The following MRPS14 variants were observed in gnomAD, a reference collection of about 807,000 sequenced individuals.
The protein encoded by MRPS14 is mitochondrial ribosomal protein S14.
MRPS14 carries 14 observed loss-of-function variants against 16.4 expected under a neutral mutation model. The observed-to-expected ratio is 0.85, with a 90% CI of 0.56 to 1.33. MRPS14 has a LOEUF of 1.33. Among genes scored for constraint, MRPS14 ranks in the 40% most tolerant of loss-of-function variants. The pLI is 0.00. For missense variants in MRPS14, 162 were observed against 176.8 expected, an observed-to-expected ratio of 0.92 and a Z score of 0.48; for synonymous variants, 54 against 61.9, an observed-to-expected ratio of 0.87 and a Z score of 0.60.
At chr1:175,016,934 G>A (rs1672891056) in intron 2 of MRPS14, among the ~76,000 whole-genome samples, 1 of 151,972 alleles carries the variant, frequency 6.6e-6, no homozygotes. Flanking sequence ...CCTTTGACCA[G>A]TATCTCCTGA....
At position 175,014,844 on chromosome 1, in the gene MRPS14, G is replaced by C; in HGVS notation, c.212C>G (p.Ala71Gly). 2 of 1,613,690 alleles carry C rather than the reference G, an allele frequency of 1.2e-6. No homozygotes were observed. The highest frequency in any genetic ancestry group is 2.7e-5 in the African/African-American group (2 of 74,912). The change falls in exon 3 of 3, where the codon GCT (alanine) becomes GGT (glycine). Residue 71 changes from alanine to glycine, a missense_variant. Coordinates refer to ENST00000476371, the MANE Select transcript of MRPS14 (RefSeq NM_022100.3). Reference sequence around the variant, plus strand: ...GGGGAGGGCAGCAATTTCTTCATCAGCCACATCCTAAGGGAAATCACATTA... The same window carrying C: ...GGGGAGGGCAGCAATTTCTTCATCACCCACATCCTAAGGGAAATCACATTA... The part of the protein sequence containing the change: ...TILPKILQDV[A>G]DEEIAALPRD...
chr1:175,017,204 C>T (rs1672896943), intron 2 of MRPS14, among the ~76,000 whole-genome samples: 2 of 152,030 alleles, frequency 1.3e-5, no homozygotes, highest in Admixed American at 6.6e-5. Flanking sequence ...ACAGGGTGTG[C>T]CACTTGCACC....
chr1:175,019,749 A>G (rs1033510727), intron 1 of MRPS14, among the ~76,000 whole-genome samples: 10 of 152,232 alleles, frequency 6.6e-5, no homozygotes, highest in African/African-American at 2.4e-4. Flanking sequence ...TCTGACTGAC[A>G]GGACAGGCAA....
At chr1:175,016,362 C>T (rs1485877231) in intron 2 of MRPS14, among the ~76,000 whole-genome samples, 1 of 152,184 alleles carries the variant, frequency 6.6e-6, no homozygotes, top group African/African-American at 2.4e-5. Context: ...TTGATTGATA[C>T]ATACCCCTTC....
At chr1:175,015,366 C>T (rs1207696428) in intron 2 of MRPS14, among the ~76,000 whole-genome samples, 2 of 152,164 alleles carry the variant, frequency 1.3e-5, no homozygotes, top group Non-Finnish European at 2.9e-5. Context: ...TTGTTTAACT[C>T]ATTTGTAAAG....
chr1:175,014,993 T>C, intron 2 of MRPS14, 142 bp from the exon 3 acceptor site: 1 of 804,620 alleles, frequency 1.2e-6, no homozygotes, highest in South Asian at 1.8e-5. Context: ...CTGTGGGTGT[T>C]AGATTGTGCA....
intron 2 of MRPS14, among the ~76,000 whole-genome samples, 157 bp downstream of exon 2, chr1:175,018,261 T>G (rs983311362): frequency 6.6e-6 from 1 of 152,184 alleles, no homozygotes; most frequent in Non-Finnish European, 1.5e-5. Flanking sequence ...AATTTGAAAC[T>G]CAACAAAATC....
intron 1 of MRPS14, among the ~76,000 whole-genome samples, chr1:175,018,935 A>ACCTCAT (rs1672930980): frequency 1.3e-5 from 2 of 151,888 alleles, no homozygotes; most frequent in Admixed American, 6.6e-5. Context: ...GTCTCCCCCC[A>ACCTCAT]CCTCATTCCT....
In MRPS14 at chr1:175,014,495, C is replaced by A. The variant is rs909747789; in HGVS notation, c.*174G>T. 6 of 562,128 alleles carry A rather than the reference C, an allele frequency of 1.1e-5. No individual in the cohort carries two copies. Among genetic ancestry groups the A allele is most frequent in the Non-Finnish European group, 1.8e-5 (6 of 331,182 alleles). The allele number at this position is 562,128 out of a possible 1,614,324, so 34.8% of individuals were successfully genotyped here. ...TCCAAGAGAAAAGATAATTCACTGACATGAAACACCCAAATGTCTTCATTT... is the reference window on the plus strand; with the variant it reads ...TCCAAGAGAAAAGATAATTCACTGAAATGAAACACCCAAATGTCTTCATTT... On this transcript the variant is annotated 3_prime_UTR_variant, in exon 3 of 3. Transcript: ENST00000476371.
At chr1:175,022,150 A>G (rs1170741492) in intron 1 of MRPS14, among the ~76,000 whole-genome samples, 20 of 152,024 alleles carry the variant, frequency 1.3e-4, no homozygotes, top group Non-Finnish European at 1.5e-5. Context: ...CCAAACTGAG[A>G]TATGCTTTAA....
rs1441081460 is a variant in MRPS14, at chr1:175,014,150, G to A, written c.*519C>T. 1.2e-5 allele frequency: 2 copies of A among 163,010 alleles called. No homozygotes were observed. Among genetic ancestry groups the A allele is most frequent in the Non-Finnish European group, 2.6e-5 (2 of 75,532 alleles). The allele number at this position is 163,010 out of a possible 1,614,324, so 10.1% of individuals were successfully genotyped here. A position where few individuals can be genotyped will look rare whatever the true frequency, so the allele number is the denominator to read the frequency against. ...AAACACTTAGTGGTTCTTTTGTTCA[G>A]CCATCACAAGAAGAAGTGGAGCATT... On this transcript the variant is annotated 3_prime_UTR_variant, in exon 3 of 3. Coordinates refer to ENST00000476371, the MANE Select transcript of MRPS14 (RefSeq NM_022100.3).
chr1:175,014,989 G>A (rs1672855027), intron 2 of MRPS14, 138 bp from the exon 3 acceptor site: 3 of 812,100 alleles, frequency 3.7e-6, no homozygotes, highest in Non-Finnish European at 5.7e-6. Flanking sequence ...CAGGCTGTGG[G>A]TGTTAGATTG....
intron 2 of MRPS14, among the ~76,000 whole-genome samples, chr1:175,016,369 C>A (rs1255695802): frequency 6.6e-6 from 1 of 152,162 alleles, no homozygotes. Flanking sequence ...ATACATACCC[C>A]TTCCTTCTTG....
rs981852978 is a variant in MRPS14 at position 175,014,598 on chromosome 1, T to TA, written c.*70dup. ...CTGTAGAGATTAGGGTTTGGTCTAT[T>TA]AAAAAAAATCTTTGCTTGCTGGAAC... On this transcript the variant is annotated 3_prime_UTR_variant, in exon 3 of 3. Transcript: ENST00000476371. 1.3e-5 allele frequency: 19 copies of TA among 1,506,098 alleles called. No homozygotes were observed. Among genetic ancestry groups the TA allele is most frequent in the Middle Eastern group, 1.9e-4 (1 of 5,144 alleles). 93.3% of individuals were successfully genotyped at this position (1,506,098 alleles called of 1,614,324 possible).
chr1:175,023,242 C>A, intron 1 of MRPS14, 122 bp downstream of exon 1: 1 of 1,551,974 alleles, frequency 6.4e-7, no homozygotes, highest in South Asian at 1.2e-5. Flanking sequence ...CGGAAGAGGG[C>A]GGAAGGAGAA....
rs1312881651 is a variant in MRPS14 at position 175,014,168 on chromosome 1, G to A, written c.*501C>T. On this transcript the variant is annotated 3_prime_UTR_variant, in exon 3 of 3. Coordinates refer to ENST00000476371, the MANE Select transcript of MRPS14 (RefSeq NM_022100.3). Reference sequence around the variant, plus strand: ...TTGTTCAGCCATCACAAGAAGAAGTGGAGCATTAGATAATCCAGAACAGCA... The same window carrying A: ...TTGTTCAGCCATCACAAGAAGAAGTAGAGCATTAGATAATCCAGAACAGCA... The A allele has an allele frequency of 5.9e-6, 1 of 168,748 alleles. No individual in the cohort carries two copies. The highest frequency in any genetic ancestry group is 1.6e-4 in the East Asian group (1 of 6,080). 10.5% of individuals were successfully genotyped at this position (168,748 alleles called of 1,614,324 possible).
intron 2 of MRPS14, among the ~76,000 whole-genome samples, chr1:175,017,854 A>G (rs913379192): frequency 3.9e-5 from 6 of 152,184 alleles, no homozygotes; most frequent in African/African-American, 1.2e-4. Context: ...GGCTGGACAC[A>G]GTGGCTCACA....
Position 175,013,912 on chromosome 1 carries a change from C to G in MRPS14, c.*757G>C. 6.6e-6 allele frequency: 1 copy of G among 152,182 alleles called. No individual in the cohort carries two copies. The highest frequency in any genetic ancestry group is 1.9e-4 in the East Asian group (1 of 5,200). 9.4% of individuals were successfully genotyped at this position (152,182 alleles called of 1,614,324 possible). ...CTGATGTTAAGTAGGTACTTCCATT[C>G]AGTATGTATATTTTTATCACTGGGC... On this transcript the variant is annotated 3_prime_UTR_variant, in exon 3 of 3. Transcript: ENST00000476371.
In MRPS14 at chr1:175,013,398, A is replaced by G. The variant is rs555812615; in HGVS notation, c.*1271T>C. On this transcript the variant is annotated 3_prime_UTR_variant, in exon 3 of 3. Coordinates refer to ENST00000476371, the MANE Select transcript of MRPS14 (RefSeq NM_022100.3). ...CTCTACCATCTATCTAGACACTTTT[A>G]TCAGGAACCCAGAGAACCATCTTTA... 7 of 152,286 alleles carry G rather than the reference A, an allele frequency of 4.6e-5. No individual in the cohort carries two copies. Among genetic ancestry groups the G allele is most frequent in the African/African-American group, 1.4e-4 (6 of 41,562 alleles). 9.4% of individuals were successfully genotyped at this position (152,286 alleles called of 1,614,324 possible). A position where few individuals can be genotyped will look rare whatever the true frequency, so the allele number is the denominator to read the frequency against.
Sources: gnomAD v4.1 joint callset for allele counts (sites outside exome capture counted in the v4.1 genomes callset) on GRCh38, gnomAD v4.1.1 for gene constraint, MANE v1.5 for transcripts, NCBI Gene and HGNC (gene_info 2026-07-23, HGNC 2026-07-21) for gene names.